Variants in CDH10 observed in about 807,000 individuals in gnomAD.
The protein encoded by CDH10 is cadherin 10, also known as cadherin-10.
In CDH10, 30 loss-of-function variants were observed where a neutral mutation model predicts 73.1. The observed-to-expected ratio is 0.41, with a 90% CI of 0.31 to 0.56. The LOEUF is 0.56. Ranked by LOEUF, CDH10 falls within the 20% of genes least tolerant of loss-of-function variation. The pLI is 0.27. For missense variants in CDH10, 815 were observed against 973.7 expected (o/e 0.84, Z 2.17); for synonymous variants, 345 against 348.2 (o/e 0.99, Z 0.10).
chr5:24,626,723 G>A (rs1747512371), intron 1 of CDH10, among the ~76,000 whole-genome samples: 1 of 151,490 alleles, frequency 6.6e-6, no homozygotes. Context: ...GCAGTGAGCG[G>A]AGAACATGCC....
At position 24,618,629 on chromosome 5, in the gene CDH10, G is replaced by A. The variant is rs112620099; in HGVS notation, c.-123-25016C>T. Among the ~76,000 whole-genome samples, 1,116 of 152,238 alleles carry A rather than the reference G, an allele frequency of 7.3e-3. 12 individuals carry two copies. The highest frequency in any genetic ancestry group is 0.026 in the African/African-American group (1,066 of 41,548). On this transcript the variant is annotated intron_variant, in intron 1 of 11. Transcript: ENST00000264463. ...ACTGGTTCTAGCCAACTGATTAAGC[G>A]AATAGTCCAGTAACTGGCGCTGGTC...
At chr5:24,624,862 G>T (rs1747440257) in intron 1 of CDH10, among the ~76,000 whole-genome samples, 1 of 152,074 alleles carries the variant, frequency 6.6e-6, no homozygotes, top group Non-Finnish European at 1.5e-5. Flanking sequence ...AAATACAATA[G>T]AGCTGGAAAA....
At position 24,550,497 on chromosome 5, in the gene CDH10, A is replaced by G. The variant is rs182290027; in HGVS notation, c.232-12823T>C. 3.9e-4 allele frequency among the ~76,000 whole-genome samples: 59 copies of G among 152,338 alleles called. No homozygotes were observed. In the East Asian group the frequency reaches 6.2e-3, roughly 16 times the overall value. ...AATGTCAATATTTTTCCAAATTTAT[A>G]TCAGATATTTTTTACTTTAAGATAT... On this transcript the variant is annotated intron_variant, in intron 2 of 11. Coordinates refer to ENST00000264463, the MANE Select transcript of CDH10 (RefSeq NM_006727.5).
At chr5:24,514,459 A>T (rs1042190519) in intron 5 of CDH10, among the ~76,000 whole-genome samples, 3 of 152,164 alleles carry the variant, frequency 2.0e-5, no homozygotes, top group African/African-American at 7.2e-5. Context: ...ACTCTGCCTG[A>T]TAACCACATC....
chr5:24,606,904 T>C (rs1006884101), intron 1 of CDH10, among the ~76,000 whole-genome samples: 2 of 152,182 alleles, frequency 1.3e-5, no homozygotes, highest in Non-Finnish European at 1.5e-5. Context: ...GCGTTTCAAA[T>C]AAAAAGATGC....
At chr5:24,492,422 T>C (rs1268038541) in intron 10 of CDH10, among the ~76,000 whole-genome samples, 1 of 152,318 alleles carries the variant, frequency 6.6e-6, no homozygotes, top group East Asian at 1.9e-4. Flanking sequence ...TTCTCATTCT[T>C]TTCATTTCCT....
intron 1 of CDH10, chr5:24,609,629 C>G (rs568525645): frequency 1.3e-5 from 2 of 152,208 alleles, no homozygotes; most frequent in Non-Finnish European, 2.9e-5. Flanking sequence ...TAAATGATTA[C>G]AGTATAAGTG....
chr5:24,592,194 C>G (rs1746221766), intron 2 of CDH10, among the ~76,000 whole-genome samples: 1 of 151,686 alleles, frequency 6.6e-6, no homozygotes, highest in African/African-American at 2.4e-5. Context: ...CAAAACATAT[C>G]AGTGTTTTAA....
chr5:24,600,848 T>G (rs577101316), intron 1 of CDH10, among the ~76,000 whole-genome samples: 1 of 152,236 alleles, frequency 6.6e-6, no homozygotes, highest in Non-Finnish European at 1.5e-5. Context: ...GTGACTAAGT[T>G]CAAAAACAGA....
intron 1 of CDH10, among the ~76,000 whole-genome samples, chr5:24,596,039 A>G (rs1261276424): frequency 6.6e-6 from 1 of 151,990 alleles, no homozygotes; most frequent in Admixed American, 6.6e-5. Flanking sequence ...AGTATATAAA[A>G]TACATTTTAC....
intron 1 of CDH10, among the ~76,000 whole-genome samples, chr5:24,641,912 C>T (rs559608463): frequency 1.4e-3 from 210 of 152,102 alleles, no homozygotes; most frequent in African/African-American, 4.9e-3. Flanking sequence ...CAAATATCTG[C>T]ATAAAATTAC....
intron 2 of CDH10, among the ~76,000 whole-genome samples, chr5:24,572,973 C>T: frequency 9.9e-6 from 1 of 100,914 alleles, no homozygotes; most frequent in Admixed American, 9.3e-5. Context: ...GAAGAGAAGA[C>T]AGAACAAAAA....
intron 2 of CDH10, among the ~76,000 whole-genome samples, chr5:24,544,596 G>T (rs1002526257): frequency 3.3e-5 from 5 of 152,104 alleles, no homozygotes; most frequent in Non-Finnish European, 5.9e-5. Flanking sequence ...AATAACTAGG[G>T]ATTCCTCTTT....
Position 24,516,271 on chromosome 5 carries a change from T to C in CDH10, c.815-4757A>G, listed in dbSNP as rs371596735. On this transcript the variant is annotated intron_variant, in intron 5 of 11. Coordinates refer to ENST00000264463, the MANE Select transcript of CDH10 (RefSeq NM_006727.5). Reference sequence around the variant, plus strand: ...CGATGTCAATATGTCTTAGGACTGATGATTTTAAGTCAATTAGGTGTTTCT... The same window carrying C: ...CGATGTCAATATGTCTTAGGACTGACGATTTTAAGTCAATTAGGTGTTTCT... Among the ~76,000 whole-genome samples, 762 of 117,974 alleles carry C rather than the reference T, an allele frequency of 6.5e-3. 11 individuals carry two copies. Among genetic ancestry groups the C allele is most frequent in the African/African-American group, 0.021 (720 of 34,884 alleles). 77.4% of individuals were successfully genotyped at this position (117,974 alleles called of 152,430 possible). A position where few individuals can be genotyped will look rare whatever the true frequency, so the allele number is the denominator to read the frequency against.
At chr5:24,597,271 G>T (rs1056814277) in intron 1 of CDH10, among the ~76,000 whole-genome samples, 2 of 151,998 alleles carry the variant, frequency 1.3e-5, no homozygotes, top group Non-Finnish European at 2.9e-5. Flanking sequence ...AGTGGGTCTG[G>T]TGTGGGGCAT....
At chr5:24,623,848 TCAACTATA>T (rs1485367738) in intron 1 of CDH10, among the ~76,000 whole-genome samples, 21 of 152,288 alleles carry the variant, frequency 1.4e-4, no homozygotes, top group African/African-American at 5.1e-4. Flanking sequence ...CACATAACTG[TCAACTATA>T]CCAGTGATGA....
intron 2 of CDH10, among the ~76,000 whole-genome samples, chr5:24,592,283 G>T (rs78438716): frequency 2.0e-5 from 3 of 151,768 alleles, no homozygotes; most frequent in Non-Finnish European, 1.5e-5. Context: ...TTTGAATGAA[G>T]ATATTATAGT....
chr5:24,547,325 T>G (rs1277543598), intron 2 of CDH10, among the ~76,000 whole-genome samples: 1 of 152,110 alleles, frequency 6.6e-6, no homozygotes, highest in Non-Finnish European at 1.5e-5. Context: ...CAGGGCCAAA[T>G]TGCTATGTAA....
At chr5:24,564,761 G>A (rs937167968) in intron 2 of CDH10, among the ~76,000 whole-genome samples, 2 of 152,060 alleles carry the variant, frequency 1.3e-5, no homozygotes, top group African/African-American at 2.4e-5. Context: ...GATCCTATAC[G>A]TATTAACTTA....
Sources: allele counts gnomAD v4.1 joint callset (sites outside exome capture counted in the v4.1 genomes callset), GRCh38; gene constraint gnomAD v4.1.1; transcripts MANE v1.5; gene names NCBI Gene and HGNC (gene_info 2026-07-23, HGNC 2026-07-21).